The following SNTG1 variants were observed in gnomAD, a reference collection of about 807,000 sequenced individuals.
SNTG1 encodes the protein gamma-1-syntrophin.
In SNTG1, 39 loss-of-function variants were observed where a neutral mutation model predicts 74.7. The observed-to-expected ratio is 0.52, with a 90% CI of 0.40 to 0.68. The LOEUF (loss-of-function observed/expected upper bound fraction) is 0.68, where lower values mean the gene tolerates loss of function less well. Among genes scored for constraint, SNTG1 ranks in the 30% least tolerant of loss-of-function variants. The probability of loss-of-function intolerance (pLI) is 0.00; values close to 1 mark genes in which losing one functional copy is unlikely to be tolerated. For missense variants in SNTG1, 685 were observed against 609.5 expected (o/e 1.12, Z -1.30); for synonymous variants, 254 against 217.1 (o/e 1.17, Z -1.49).
At chr8:50,243,113 A>T (rs1257525471) in intron 2 of SNTG1, among the ~76,000 whole-genome samples, 1 of 152,164 alleles carries the variant, frequency 6.6e-6, no homozygotes, top group East Asian at 1.9e-4. Context: ...ACATGTATCT[A>T]TGAAATATTT....
chr8:50,539,936 C>A (rs1368318508), intron 11 of SNTG1, among the ~76,000 whole-genome samples: 1 of 152,114 alleles, frequency 6.6e-6, no homozygotes, highest in African/African-American at 2.4e-5. Context: ...GGAGGCTTTA[C>A]GTTTTTAAAA....
chr8:50,041,818 A>C (rs1396257208), intron 1 of SNTG1, among the ~76,000 whole-genome samples: 1 of 152,186 alleles, frequency 6.6e-6, no homozygotes, highest in African/African-American at 2.4e-5. Context: ...GAGTTTGTTC[A>C]AGAGCAAAGG....
At chr8:49,968,948 C>T (rs1054138397) in intron 1 of SNTG1, among the ~76,000 whole-genome samples, 1 of 152,154 alleles carries the variant, frequency 6.6e-6, no homozygotes, top group Non-Finnish European at 1.5e-5. Flanking sequence ...GCATTTAAAA[C>T]TCCAGAGACT....
At position 50,686,918 on chromosome 8, in the gene SNTG1, G is replaced by C. The variant is rs539772827; in HGVS notation, c.1039-17682G>C. Among the ~76,000 whole-genome samples, 927 of 151,742 alleles carry C rather than the reference G, an allele frequency of 6.1e-3. 2 individuals carry two copies. The highest frequency in any genetic ancestry group is 0.011 in the Non-Finnish European group (727 of 67,908). On this transcript the variant is annotated intron_variant, in intron 15 of 18. Coordinates refer to ENST00000642720, the MANE Select transcript of SNTG1 (RefSeq NM_018967.5). ...TGGGAGGCCGAGGCGGGTGGATCAT[G>C]AGGTCAGGAGATCGAGACCATCCTG... is the stretch of plus-strand genomic sequence containing the variant.
intron 2 of SNTG1, among the ~76,000 whole-genome samples, chr8:50,377,130 AG>A (rs1472643467): frequency 6.6e-6 from 1 of 152,068 alleles, no homozygotes; most frequent in Admixed American, 6.6e-5. Flanking sequence ...GTATTTGAGG[AG>A]GGTGAGAAGG....
intron 1 of SNTG1, among the ~76,000 whole-genome samples, chr8:49,980,176 T>G (rs1812542099): frequency 6.6e-6 from 1 of 152,196 alleles, no homozygotes; most frequent in African/African-American, 2.4e-5. Flanking sequence ...TCGTTCCCAG[T>G]TCTCCTCCAG....
chr8:50,626,250 A>G (rs186779418), intron 13 of SNTG1, among the ~76,000 whole-genome samples: 2 of 152,296 alleles, frequency 1.3e-5, no homozygotes, highest in African/African-American at 2.4e-5. Context: ...GATGATGAGA[A>G]TATTTGTTGC....
intron 12 of SNTG1, among the ~76,000 whole-genome samples, chr8:50,556,494 C>T (rs1021391168): frequency 1.3e-5 from 2 of 152,106 alleles, no homozygotes; most frequent in African/African-American, 4.8e-5. Context: ...ACAGTAATTG[C>T]TTCCAATTAA....
At chr8:50,327,106 C>A (rs1381386058) in intron 2 of SNTG1, among the ~76,000 whole-genome samples, 1 of 151,806 alleles carries the variant, frequency 6.6e-6, no homozygotes, top group East Asian at 1.9e-4. Flanking sequence ...GTTTTATGGC[C>A]CAGAATCTGG....
At chr8:50,115,567 C>CAAAAAAAAAAAAAACAAAAAA (rs2080782193) in intron 1 of SNTG1, among the ~76,000 whole-genome samples, 2 of 40,522 alleles carry the variant, frequency 4.9e-5, no homozygotes, top group Non-Finnish European at 1.0e-4. Context: ...GACTCTGTCT[C>CAAAAAAAAAAAAAACAAAAAA]AAAAAAAAAA....
chr8:50,781,010 G>A (rs181069108), intron 18 of SNTG1, among the ~76,000 whole-genome samples: 123 of 152,248 alleles, frequency 8.1e-4, no homozygotes, highest in Non-Finnish European at 6.8e-4. Flanking sequence ...GTAGTTGAGC[G>A]GTTTTGAGTG....
At chr8:50,027,364 G>A (rs1817357742) in intron 1 of SNTG1, among the ~76,000 whole-genome samples, 1 of 152,104 alleles carries the variant, frequency 6.6e-6, no homozygotes, top group Non-Finnish European at 1.5e-5. Context: ...TGCCATTTTG[G>A]TGTCCATCTG....
chr8:50,474,272 A>G (rs1020837768), intron 8 of SNTG1, among the ~76,000 whole-genome samples: 15 of 152,068 alleles, frequency 9.9e-5, no homozygotes, highest in Admixed American at 3.9e-4. Flanking sequence ...AGAAACCACC[A>G]TCAGAGTGAA....
rs1484893197 is a variant in SNTG1, at chr8:50,484,100, C to CTT, written c.364-18677_364-18676insTT. ...TCTCTTTTTCTTTCTCTCTTTCTTTCTCTCTTTCTTTCTTTCTTTCTTTCT... is the reference window on the plus strand; with the variant it reads ...TCTCTTTTTCTTTCTCTCTTTCTTTCTTTCTCTTTCTTTCTTTCTTTCTTTCT... On this transcript the variant is annotated intron_variant, in intron 8 of 18. Transcript: ENST00000642720. Among the ~76,000 whole-genome samples the CTT allele has an allele frequency of 4.8e-3, 506 of 104,380 alleles. 1 individual carries two copies. The highest frequency in any genetic ancestry group is 0.015 in the East Asian group (57 of 3,908). The allele number at this position is 104,380 out of a possible 152,430, so 68.5% of individuals were successfully genotyped here.
chr8:50,352,182 A>G (rs1301962674), intron 2 of SNTG1, among the ~76,000 whole-genome samples: 1 of 152,198 alleles, frequency 6.6e-6, no homozygotes, highest in Non-Finnish European at 1.5e-5. Context: ...AGGTAGACCT[A>G]CCGAAATTAA....
At chr8:50,186,942 C>T (rs1241238839) in intron 2 of SNTG1, among the ~76,000 whole-genome samples, 1 of 152,012 alleles carries the variant, frequency 6.6e-6, no homozygotes, top group African/African-American at 2.4e-5. Context: ...GCATTTTTGT[C>T]ATGAAGTCTT....
chr8:50,528,581 T>G (rs1441564591), intron 9 of SNTG1, among the ~76,000 whole-genome samples: 4 of 151,912 alleles, frequency 2.6e-5, no homozygotes, highest in Non-Finnish European at 5.9e-5. Context: ...ACATTTTTCT[T>G]TTTTGCATAT....
At chr8:50,413,231 TGATA>T (rs1345067063) in intron 4 of SNTG1, among the ~76,000 whole-genome samples, 1 of 152,204 alleles carries the variant, frequency 6.6e-6, no homozygotes, top group East Asian at 1.9e-4. Flanking sequence ...AGCAGCTTAA[TGATA>T]GATAGAGATG....
intron 2 of SNTG1, among the ~76,000 whole-genome samples, chr8:50,264,574 TAA>T (rs202042526): frequency 1.0e-5 from 1 of 96,598 alleles, no homozygotes. Flanking sequence ...CGTCTCAAAA[TAA>T]AAAAAAAAAG....
Sources: gnomAD v4.1 joint callset for allele counts (sites outside exome capture counted in the v4.1 genomes callset) on GRCh38, gnomAD v4.1.1 for gene constraint, MANE v1.5 for transcripts, NCBI Gene and HGNC (gene_info 2026-07-23, HGNC 2026-07-21) for gene names.